Variants in CSMD1 observed in about 807,000 individuals in gnomAD.
The protein encoded by CSMD1 is CUB and sushi domain-containing protein 1.
CSMD1 carries 213 observed loss-of-function variants against 417.5 expected under a neutral mutation model. The observed-to-expected ratio is 0.51, with a 90% CI of 0.46 to 0.57. CSMD1 has a LOEUF of 0.57. Among genes scored for constraint, CSMD1 ranks in the 20% least tolerant of loss-of-function variants. CSMD1 has a pLI of 0.00. For missense variants in CSMD1, 6,923 were observed against 4,529.7 expected (o/e 1.53, Z -15.17); for synonymous variants, 2,862 against 1,736.8 (o/e 1.65, Z -16.11).
chr8:4,056,950 G>C (rs1206403922), intron 3 of CSMD1, among the ~76,000 whole-genome samples: 1 of 152,166 alleles, frequency 6.6e-6, no homozygotes, highest in Non-Finnish European at 1.5e-5. Flanking sequence ...GGACATTTGG[G>C]TTGGTTCCAA....
intron 41 of CSMD1, among the ~76,000 whole-genome samples, chr8:3,131,932 G>C (rs904420743): frequency 3.3e-5 from 5 of 152,104 alleles, no homozygotes; most frequent in African/African-American, 1.2e-4. Context: ...CAGAACTATT[G>C]GTGTAGAGAA....
At chr8:3,524,530 C>A (rs560469025) in intron 10 of CSMD1, among the ~76,000 whole-genome samples, 2 of 150,624 alleles carry the variant, frequency 1.3e-5, no homozygotes, top group East Asian at 2.0e-4. Flanking sequence ...CAAAGACATA[C>A]GCACACACAA....
chr8:4,407,129 C>G (rs575517691), intron 3 of CSMD1, among the ~76,000 whole-genome samples: 4 of 152,152 alleles, frequency 2.6e-5, no homozygotes, highest in African/African-American at 7.2e-5. Context: ...ACCACAGACA[C>G]CAGATGAGCT....
At chr8:3,988,241 G>A (rs1485262368) in intron 5 of CSMD1, among the ~76,000 whole-genome samples, 4 of 151,994 alleles carry the variant, frequency 2.6e-5, no homozygotes, top group Non-Finnish European at 5.9e-5. Flanking sequence ...ATTGAACCTC[G>A]GCTTTCTGGA....
At chr8:3,139,921 T>A (rs1818330028) in intron 41 of CSMD1, among the ~76,000 whole-genome samples, 2 of 111,740 alleles carry the variant, frequency 1.8e-5, no homozygotes, top group South Asian at 5.2e-4. Context: ...TTTTTTTTTT[T>A]AGATGGAGTC....
At chr8:3,396,045 G>T (rs895829624) in intron 17 of CSMD1, 149 bp downstream of exon 17, 3 of 640,638 alleles carry the variant, frequency 4.7e-6, no homozygotes, top group Middle Eastern at 4.3e-4. Context: ...ATAACAGAAA[G>T]TTCTTACAAT....
intron 3 of CSMD1, among the ~76,000 whole-genome samples, chr8:4,065,211 A>C (rs544274955): frequency 2.1e-4 from 32 of 152,336 alleles, no homozygotes; most frequent in African/African-American, 7.2e-4. Flanking sequence ...CTTATGAAAG[A>C]AAATAGTCCT....
At chr8:4,227,236 T>C (rs1328932606) in intron 3 of CSMD1, among the ~76,000 whole-genome samples, 2 of 152,146 alleles carry the variant, frequency 1.3e-5, no homozygotes, top group African/African-American at 2.4e-5. Context: ...ATGAGAATCA[T>C]TAACCTCATT....
intron 23 of CSMD1, among the ~76,000 whole-genome samples, chr8:3,312,709 C>T (rs1452050730): frequency 1.3e-5 from 2 of 152,162 alleles, no homozygotes; most frequent in Non-Finnish European, 2.9e-5. Context: ...CGCCGTGAAC[C>T]AGCTTAGTCG....
intron 27 of CSMD1, among the ~76,000 whole-genome samples, chr8:3,226,847 T>C (rs192471521): frequency 1.3e-5 from 2 of 152,010 alleles, no homozygotes; most frequent in East Asian, 3.9e-4. Flanking sequence ...GAGCCAGTAA[T>C]GAGTAAATAT....
intron 50 of CSMD1, among the ~76,000 whole-genome samples, chr8:3,035,508 G>T (rs948017172): frequency 6.6e-6 from 1 of 152,078 alleles, no homozygotes; most frequent in East Asian, 1.9e-4. Flanking sequence ...AAACAATACG[G>T]GAAAATTTGA....
At chr8:4,916,669 C>T (rs911897341) in intron 1 of CSMD1, among the ~76,000 whole-genome samples, 6 of 152,272 alleles carry the variant, frequency 3.9e-5, no homozygotes, top group Admixed American at 1.3e-4. Flanking sequence ...AGAGTCTAGG[C>T]ATTTTTTTAC....
At position 3,056,237 on chromosome 8, in the gene CSMD1, A is replaced by G. The variant is rs1563288322; in HGVS notation, c.7475-3590T>C. The stretch of plus-strand genomic sequence containing the variant: ...GTAACAGTTTGATTTCAAAAAAGTA[A>G]GTAGAAGAGACGTCCAGTGTTGTCT... On this transcript the variant is annotated intron_variant, in intron 49 of 69. Transcript: ENST00000635120. Among the ~76,000 whole-genome samples the G allele has an allele frequency of 3.3e-5, 5 of 152,368 alleles. No individual in the cohort carries two copies. The South Asian group carries it at 8.3e-4, about 25-fold the overall frequency.
At position 3,929,710 on chromosome 8, in the gene CSMD1, G is replaced by A. The variant is rs1404013356; in HGVS notation, c.818+68193C>T. ...GGAGTTTCACTCTGTCTCCCAGGCTGGAGTGCATTGGCACAATCTCGGCTC... is the reference window on the plus strand; with the variant it reads ...GGAGTTTCACTCTGTCTCCCAGGCTAGAGTGCATTGGCACAATCTCGGCTC... On this transcript the variant is annotated intron_variant, in intron 5 of 69. Coordinates refer to ENST00000635120, the MANE Select transcript of CSMD1 (RefSeq NM_033225.6). Among the ~76,000 whole-genome samples, 10 of 149,244 alleles carry A rather than the reference G, an allele frequency of 6.7e-5. No individual in the cohort carries two copies. The East Asian group carries it at 7.9e-4, about 12-fold the overall frequency.
chr8:2,983,170 C>A (rs1456293632), intron 54 of CSMD1, among the ~76,000 whole-genome samples: 1 of 151,544 alleles, frequency 6.6e-6, no homozygotes, highest in Non-Finnish European at 1.5e-5. Context: ...GAATCTATAT[C>A]TGATATATAT....
At chr8:4,817,871 TAG>T (rs1437448254) in intron 1 of CSMD1, among the ~76,000 whole-genome samples, 2 of 152,040 alleles carry the variant, frequency 1.3e-5, no homozygotes, top group Non-Finnish European at 2.9e-5. Context: ...AATGATATGA[TAG>T]AGTTTCAGCA....
At chr8:4,714,393 G>A (rs1287039162) in intron 1 of CSMD1, among the ~76,000 whole-genome samples, 1 of 152,106 alleles carries the variant, frequency 6.6e-6, no homozygotes. Flanking sequence ...TAAAAAATGT[G>A]CATCAACTGA....
chr8:4,979,804 G>C (rs1176578699), intron 1 of CSMD1, among the ~76,000 whole-genome samples: 1 of 152,116 alleles, frequency 6.6e-6, no homozygotes, highest in Non-Finnish European at 1.5e-5. Flanking sequence ...TTGGGAGGCT[G>C]AAGCGGGTGG....
intron 10 of CSMD1, among the ~76,000 whole-genome samples, chr8:3,512,787 C>T (rs1246964038): frequency 1.3e-5 from 2 of 151,600 alleles, no homozygotes; most frequent in Non-Finnish European, 2.9e-5. Context: ...TTATTTTTTA[C>T]TAGAGACAGG....
Sources: allele counts gnomAD v4.1 joint callset (sites outside exome capture counted in the v4.1 genomes callset), GRCh38; gene constraint gnomAD v4.1.1; transcripts MANE v1.5; gene names NCBI Gene and HGNC (gene_info 2026-07-23, HGNC 2026-07-21).